The following BASP1 variants were observed in gnomAD, a reference collection of about 807,000 sequenced individuals.
BASP1 encodes brain acid soluble protein 1.
A neutral mutation model predicts 2.2 loss-of-function variants in BASP1; 1 was observed. The observed-to-expected ratio is 0.46, with a 90% CI of 0.16 to 2.17. The LOEUF (loss-of-function observed/expected upper bound fraction) is 2.17, where lower values mean the gene tolerates loss of function less well. Among genes scored for constraint, BASP1 ranks in the 30% most tolerant of loss-of-function variants. BASP1 has a pLI of 0.27. For missense variants in BASP1, 352 were observed against 327.2 expected (o/e 1.08, Z -0.58); for synonymous variants, 187 against 154.2 (o/e 1.21, Z -1.58).
intron 1 of BASP1, among the ~76,000 whole-genome samples, chr5:17,238,705 G>A (rs1471303474): frequency 6.6e-6 from 1 of 152,080 alleles, no homozygotes; most frequent in Non-Finnish European, 1.5e-5. Flanking sequence ...AATGGTTCAT[G>A]CTTTCTGATA....
chr5:17,268,548 T>C (rs73052813), intron 1 of BASP1, among the ~76,000 whole-genome samples: 6,967 of 152,268 alleles, frequency 0.046, 515 homozygotes, highest in African/African-American at 0.16. Flanking sequence ...TTTAGTGAAA[T>C]TCTTAGCTAT....
chr5:17,243,028 T>A (rs2126501809), intron 1 of BASP1, among the ~76,000 whole-genome samples: 1 of 152,260 alleles, frequency 6.6e-6, no homozygotes, highest in East Asian at 1.9e-4. Flanking sequence ...AACCAGATCA[T>A]GTGTGTAAAG....
intron 1 of BASP1, among the ~76,000 whole-genome samples, chr5:17,270,223 C>T (rs1298446672): frequency 6.6e-6 from 1 of 152,152 alleles, no homozygotes; most frequent in East Asian, 1.9e-4. Context: ...TGGTCTTCAA[C>T]TCTTGACCTC....
chr5:17,256,646 G>A (rs1414599656), intron 1 of BASP1, among the ~76,000 whole-genome samples: 1 of 152,182 alleles, frequency 6.6e-6, no homozygotes, highest in Non-Finnish European at 1.5e-5. Context: ...TAGTTTAGTG[G>A]CTGTAACGAG....
At chr5:17,224,895 C>T (rs1443892046) in intron 1 of BASP1, among the ~76,000 whole-genome samples, 1 of 152,244 alleles carries the variant, frequency 6.6e-6, no homozygotes, top group Non-Finnish European at 1.5e-5. Flanking sequence ...AAACCAAGTC[C>T]TGCCTAAATT....
At chr5:17,230,559 A>T (rs1373454134) in intron 1 of BASP1, among the ~76,000 whole-genome samples, 3 of 150,958 alleles carry the variant, frequency 2.0e-5, no homozygotes, top group Non-Finnish European at 2.9e-5. Context: ...GGTCCTTTTT[A>T]TTATTATTTC....
chr5:17,234,407 G>A (rs891010811), intron 1 of BASP1, among the ~76,000 whole-genome samples: 1 of 152,096 alleles, frequency 6.6e-6, no homozygotes. Flanking sequence ...ATAGTTAAAA[G>A]GTACAAATAA....
At chr5:17,265,153 C>T (rs974538481) in intron 1 of BASP1, among the ~76,000 whole-genome samples, 1 of 152,090 alleles carries the variant, frequency 6.6e-6, no homozygotes, top group African/African-American at 2.4e-5. Context: ...TCATGGAGCA[C>T]ATGTGGTAAT....
chr5:17,255,754 C>T (rs1000526146), intron 1 of BASP1, among the ~76,000 whole-genome samples: 1 of 151,640 alleles, frequency 6.6e-6, no homozygotes, highest in African/African-American at 2.4e-5. Context: ...AAATGCATCT[C>T]TTTCACTTCC....
chr5:17,217,934 G>A (rs1483644688), intron 1 of BASP1, 124 bp downstream of exon 1: 1 of 152,090 alleles, frequency 6.6e-6, no homozygotes, highest in Non-Finnish European at 1.5e-5. Flanking sequence ...CAGGGATGTG[G>A]GCCCGGATTG....
intron 1 of BASP1, among the ~76,000 whole-genome samples, chr5:17,245,037 C>A (rs1739948282): frequency 6.6e-6 from 1 of 150,566 alleles, no homozygotes; most frequent in Non-Finnish European, 1.5e-5. Flanking sequence ...GGTGCAGTGG[C>A]TCACGCCTGT....
chr5:17,275,234 C>T lies in BASP1; in HGVS notation c.18C>T (p.Ser6=). 1 of 1,613,492 alleles carries T rather than the reference C, an allele frequency of 6.2e-7. No individual in the cohort carries two copies. Among genetic ancestry groups the T allele is most frequent in the Non-Finnish European group, 8.5e-7 (1 of 1,179,906 alleles). ...ACTCCAAGATGGGAGGCAAGCTCAG[C>T]AAGAAGAAGAAGGGCTACAATGTGA... is the stretch of plus-strand genomic sequence containing the variant. MGGKL[S]KKKKGYNVND... is the part of the protein sequence containing the mutation. Residue 6 remains serine (S), a synonymous_variant, in exon 2 of 2, where the codon AGC becomes AGT. Coordinates refer to ENST00000322611, the MANE Select transcript of BASP1 (RefSeq NM_006317.5). The surrounding 1 kb of genome is among the most constrained non-coding windows in gnomAD (Gnocchi z 5.3).
chr5:17,219,370 G>A (rs1215791852), intron 1 of BASP1, among the ~76,000 whole-genome samples: 2 of 152,188 alleles, frequency 1.3e-5, no homozygotes, highest in East Asian at 1.9e-4. Context: ...GCCTGTGTGT[G>A]TGTTTCTTCT....
chr5:17,272,953 A>G (rs1740559302), intron 1 of BASP1, among the ~76,000 whole-genome samples: 1 of 152,142 alleles, frequency 6.6e-6, no homozygotes, highest in Non-Finnish European at 1.5e-5. Context: ...GCAGCACCCC[A>G]TGTTATACTT....
intron 1 of BASP1, among the ~76,000 whole-genome samples, chr5:17,233,977 A>G (rs1158447281): frequency 1.3e-5 from 2 of 152,130 alleles, no homozygotes; most frequent in Non-Finnish European, 2.9e-5. Flanking sequence ...AAAAATACAA[A>G]AAAATTAGCT....
At chr5:17,235,160 T>A (rs1412257545) in intron 1 of BASP1, among the ~76,000 whole-genome samples, 1 of 152,158 alleles carries the variant, frequency 6.6e-6, no homozygotes, top group Admixed American at 6.6e-5. Context: ...GGGAAGTGTC[T>A]TCTGCTGGGG....
Position 17,251,128 on chromosome 5 carries a change from C to T in BASP1, c.-9-24080C>T, listed in dbSNP as rs1740095363. ...TTCCAGATTTCAGATATCCAAAATA[C>T]CCTGATTTTATCATTACACATTGTA... On this transcript the variant is annotated intron_variant, in intron 1 of 1. Coordinates refer to ENST00000322611, the MANE Select transcript of BASP1 (RefSeq NM_006317.5). The surrounding 1 kb of genome is among the most constrained non-coding windows in gnomAD (Gnocchi z 4.0). Among the ~76,000 whole-genome samples the T allele has an allele frequency of 6.6e-6, 1 of 152,136 alleles. No homozygotes were observed. Among genetic ancestry groups the T allele is most frequent in the South Asian group, 2.1e-4 (1 of 4,830 alleles).
intron 1 of BASP1, among the ~76,000 whole-genome samples, chr5:17,225,246 AT>A (rs138914152): frequency 2.9e-3 from 425 of 148,222 alleles, no homozygotes; most frequent in Non-Finnish European, 4.8e-3. Flanking sequence ...TTTTTCTACC[AT>A]TTTTTTTTGT....
At chr5:17,232,229 G>C (rs1739646247) in intron 1 of BASP1, among the ~76,000 whole-genome samples, 1 of 152,210 alleles carries the variant, frequency 6.6e-6, no homozygotes, top group Non-Finnish European at 1.5e-5. Context: ...ACAACACGAT[G>C]AGTGAAAGCT....
Sources: gnomAD v4.1 joint callset for allele counts (sites outside exome capture counted in the v4.1 genomes callset) on GRCh38, gnomAD v4.1.1 for gene constraint, Gnocchi (gnomAD v3.1) non-coding constraint, MANE v1.5 for transcripts, NCBI Gene and HGNC (gene_info 2026-07-23, HGNC 2026-07-21) for gene names.